ELP4: variants seen among roughly 807,000 people sequenced by gnomAD.
ELP4 encodes elongator complex protein 4.
A neutral mutation model predicts 48.9 loss-of-function variants in ELP4; 51 were observed. The observed-to-expected ratio is 1.04, with a 90% CI of 0.83 to 1.32. ELP4 has a LOEUF of 1.32. ELP4 is among the 40% of genes most tolerant of loss of function. ELP4 has a pLI of 0.00. For synonymous variants in ELP4, 210 were observed against 189.2 expected (o/e 1.11, Z -0.90); for missense variants, 519 against 514.6 (o/e 1.01, Z -0.08).
At chr11:31,778,536 A>C (rs1284131118) in intron 9 of ELP4, among the ~76,000 whole-genome samples, 2 of 152,200 alleles carry the variant, frequency 1.3e-5, no homozygotes, top group Non-Finnish European at 2.9e-5. Flanking sequence ...CCTCAGATCC[A>C]TTTTTGAAGC....
At chr11:31,565,185 G>T (rs1436664533) in intron 3 of ELP4, among the ~76,000 whole-genome samples, 2 of 152,178 alleles carry the variant, frequency 1.3e-5, no homozygotes, top group African/African-American at 4.8e-5. Flanking sequence ...CTTTTGAGAA[G>T]TGTCTGTTCA....
chr11:31,579,641 TG>T (rs1215072438), intron 3 of ELP4, among the ~76,000 whole-genome samples: 1 of 151,976 alleles, frequency 6.6e-6, no homozygotes, highest in Non-Finnish European at 1.5e-5. Flanking sequence ...TATAGGGACA[TG>T]GATGAAGCTG....
At chr11:31,772,436 T>C (rs542048551) in intron 9 of ELP4, among the ~76,000 whole-genome samples, 1 of 152,338 alleles carries the variant, frequency 6.6e-6, no homozygotes, top group East Asian at 1.9e-4. Context: ...ATCTTCTTTT[T>C]TTTGTTTGCC....
In ELP4 at chr11:31,783,697, C is replaced by T. The variant is rs1465300919; in HGVS notation, c.*173C>T. On this transcript the variant is annotated 3_prime_UTR_variant, in exon 10 of 10. Transcript: ENST00000640961. ...TTAACTTTTTACAGAACTAGCACAG[C>T]AGAAATACTTTTAAATTTTTCCTTC... The T allele has an allele frequency of 3.7e-6, 2 of 542,398 alleles. No individual in the cohort carries two copies. Among genetic ancestry groups the T allele is most frequent in the Non-Finnish European group, 6.2e-6 (2 of 324,366 alleles). The allele number at this position is 542,398 out of a possible 1,614,324, so 33.6% of individuals were successfully genotyped here.
chr11:31,555,607 GT>G, intron 3 of ELP4, among the ~76,000 whole-genome samples: 1 of 151,782 alleles, frequency 6.6e-6, no homozygotes, highest in East Asian at 1.9e-4. Flanking sequence ...ATGTGGTCCA[GT>G]TTTTGTGTAA....
chr11:31,614,586 CAAAGGGGA>C (rs1165582155), intron 5 of ELP4, among the ~76,000 whole-genome samples: 1 of 152,042 alleles, frequency 6.6e-6, no homozygotes, highest in African/African-American at 2.4e-5. Context: ...TTATTAACTA[CAAAGGGGA>C]AAAGAATAAT....
chr11:31,521,477 A>T (rs1473740647), intron 2 of ELP4, among the ~76,000 whole-genome samples: 2 of 151,562 alleles, frequency 1.3e-5, no homozygotes, highest in African/African-American at 4.9e-5. Flanking sequence ...ACTATGCTCT[A>T]AAGTTTTCTC....
intron 9 of ELP4, among the ~76,000 whole-genome samples, chr11:31,721,738 TA>T (rs1305962966): frequency 6.6e-6 from 1 of 152,140 alleles, no homozygotes; most frequent in African/African-American, 2.4e-5. Context: ...ATGGTTCAAT[TA>T]AAAATGATAT....
intron 6 of ELP4, among the ~76,000 whole-genome samples, chr11:31,627,928 C>T (rs4922570): frequency 0.64 from 96,532 of 151,942 alleles, 33,115 homozygotes; most frequent in Non-Finnish European, 0.76. Flanking sequence ...ATTTTTGGCA[C>T]TATCAGCTAC....
chr11:31,697,849 A>G (rs1232951989), intron 9 of ELP4, among the ~76,000 whole-genome samples: 1 of 152,180 alleles, frequency 6.6e-6, no homozygotes, highest in Non-Finnish European at 1.5e-5. Context: ...GATGTAAGAG[A>G]TGAAGAAGAG....
Position 31,520,090 on chromosome 11 carries a change from T to C in ELP4, c.258T>C (p.Ile86=). 6.2e-7 allele frequency: 1 copy of C among 1,612,218 alleles called. No individual in the cohort carries two copies. Among genetic ancestry groups the C allele is most frequent in the South Asian group, 1.1e-5 (1 of 90,764 alleles). The change falls in exon 2 of 10, where the codon ATT becomes ATC. Residue 86 remains isoleucine, a splice_region_variant and synonymous_variant. Coordinates refer to ENST00000640961, the MANE Select transcript of ELP4 (RefSeq NM_019040.5). ...GGLAVGTVLL[I]EEDKYNIYSP... is the part of the protein sequence containing the mutation. ...TAGCCGTTGGAACAGTTCTTCTAAT[T>C]GGTTAGTACAAAATACATGCTTTGC...
intron 9 of ELP4, among the ~76,000 whole-genome samples, chr11:31,747,689 A>G (rs1947628136): frequency 6.6e-6 from 1 of 152,238 alleles, no homozygotes. Flanking sequence ...TGACATCAGT[A>G]GTAATCACCA....
At chr11:31,541,766 A>G (rs1956594113) in intron 3 of ELP4, among the ~76,000 whole-genome samples, 1 of 152,214 alleles carries the variant, frequency 6.6e-6, no homozygotes, top group Non-Finnish European at 1.5e-5. Flanking sequence ...AGTATTAAAA[A>G]TCTTAGTGTA....
chr11:31,598,503 C>T (rs112486817), intron 4 of ELP4, among the ~76,000 whole-genome samples: 49 of 77,744 alleles, frequency 6.3e-4, no homozygotes, highest in Admixed American at 1.2e-3. Flanking sequence ...TTTTCTTCTT[C>T]TTTTTTTTTT....
chr11:31,584,059 A>G (rs1379614532), intron 3 of ELP4, among the ~76,000 whole-genome samples: 1 of 152,192 alleles, frequency 6.6e-6, no homozygotes, highest in Non-Finnish European at 1.5e-5. Context: ...AAACTAATTT[A>G]GATCATAAAA....
intron 3 of ELP4, among the ~76,000 whole-genome samples, chr11:31,546,922 G>A (rs1956732625): frequency 1.3e-5 from 2 of 152,146 alleles, no homozygotes; most frequent in African/African-American, 4.8e-5. Context: ...AAATAAAGAT[G>A]TTCTTTGAAA....
At chr11:31,739,847 C>CA (rs1836013530) in intron 9 of ELP4, among the ~76,000 whole-genome samples, 1 of 152,272 alleles carries the variant, frequency 6.6e-6, no homozygotes, top group Non-Finnish European at 1.5e-5. Context: ...TCAACCTTTC[C>CA]ATTTATTTCT....
At chr11:31,716,351 T>C (rs1020353988) in intron 9 of ELP4, among the ~76,000 whole-genome samples, 3 of 152,130 alleles carry the variant, frequency 2.0e-5, no homozygotes, top group African/African-American at 7.2e-5. Context: ...AGCAGTATAG[T>C]GTAGTGGTTA....
At chr11:31,528,874 G>A (rs949614161) in intron 2 of ELP4, among the ~76,000 whole-genome samples, 1 of 152,102 alleles carries the variant, frequency 6.6e-6, no homozygotes, top group African/African-American at 2.4e-5. Flanking sequence ...TAGAGAAAAA[G>A]ATTTAGGATT....
Sources: gnomAD v4.1 joint callset for allele counts (sites outside exome capture counted in the v4.1 genomes callset) on GRCh38, gnomAD v4.1.1 for gene constraint, MANE v1.5 for transcripts, NCBI Gene and HGNC (gene_info 2026-07-23, HGNC 2026-07-21) for gene names.